ZCWPW2: variants seen among roughly 807,000 people sequenced by gnomAD.
The protein encoded by ZCWPW2 is zinc finger CW-type and PWWP domain containing 2, also known as zinc finger CW-type PWWP domain protein 2.
A neutral mutation model predicts 46.6 loss-of-function variants in ZCWPW2; 45 were observed. That is an observed-to-expected ratio of 0.96 (90% CI 0.76 to 1.24). ZCWPW2 has a LOEUF of 1.24. Ranked by LOEUF, ZCWPW2 falls within the 50% of genes most tolerant of loss-of-function variation. ZCWPW2 has a pLI of 0.00. For missense variants in ZCWPW2, 429 were observed against 403.9 expected (o/e 1.06, Z -0.53); for synonymous variants, 152 against 137.1 (o/e 1.11, Z -0.76).
At chr3:28,486,750 C>T (rs962070376) in intron 5 of ZCWPW2, among the ~76,000 whole-genome samples, 1 of 151,870 alleles carries the variant, frequency 6.6e-6, no homozygotes, top group African/African-American at 2.4e-5. Flanking sequence ...ATCTGTAGTC[C>T]CAGCTATGCA....
chr3:28,460,155 A>T (rs1488751216), intron 4 of ZCWPW2, among the ~76,000 whole-genome samples: 1 of 152,008 alleles, frequency 6.6e-6, no homozygotes, highest in East Asian at 1.9e-4. Flanking sequence ...CAAATTTTCT[A>T]ATTATTTTTC....
intron 4 of ZCWPW2, among the ~76,000 whole-genome samples, chr3:28,448,784 C>CA (rs576935771): frequency 1.5e-5 from 1 of 65,360 alleles, no homozygotes; most frequent in African/African-American, 6.0e-5. Context: ...GACTCTGTCT[C>CA]AAAAAAAAAA....
At chr3:28,453,829 TTATTTTTA>T (rs1275415517) in intron 4 of ZCWPW2, among the ~76,000 whole-genome samples, 170 of 145,654 alleles carry the variant, frequency 1.2e-3, no homozygotes, top group African/African-American at 4.2e-3. Flanking sequence ...ATTTATTTAT[TTATTTTTA>T]TTTTTTTTAT....
intron 4 of ZCWPW2, among the ~76,000 whole-genome samples, chr3:28,437,633 G>A (rs924946569): frequency 3.0e-4 from 45 of 152,098 alleles, no homozygotes; most frequent in African/African-American, 1.1e-3. Flanking sequence ...ACAGATGATA[G>A]TGTTTTCCCC....
chr3:28,405,842 A>C (rs1247272572), intron 2 of ZCWPW2, among the ~76,000 whole-genome samples: 1 of 152,186 alleles, frequency 6.6e-6, no homozygotes, highest in African/African-American at 2.4e-5. Context: ...AGAATGTCTC[A>C]ATCTTCTTAA....
At chr3:28,442,712 A>G (rs1333131770) in intron 4 of ZCWPW2, among the ~76,000 whole-genome samples, 1 of 152,156 alleles carries the variant, frequency 6.6e-6, no homozygotes, top group Non-Finnish European at 1.5e-5. Context: ...CACATCTGGT[A>G]TAGCAGCTGC....
At chr3:28,475,459 G>A (rs932277515) in intron 4 of ZCWPW2, among the ~76,000 whole-genome samples, 6 of 152,016 alleles carry the variant, frequency 3.9e-5, no homozygotes. Context: ...CCTCATCAAA[G>A]CAATGAGAAT....
At chr3:28,520,959 A>T (rs762749052) in intron 8 of ZCWPW2, 33 bp from the exon 9 acceptor site, 3 of 1,609,644 alleles carry the variant, frequency 1.9e-6, no homozygotes, top group African/African-American at 1.3e-5. Context: ...AGTGAGATGT[A>T]GCATTTTTAC....
intron 4 of ZCWPW2, among the ~76,000 whole-genome samples, chr3:28,436,499 G>T (rs1697505483): frequency 6.6e-6 from 1 of 151,738 alleles, no homozygotes; most frequent in Non-Finnish European, 1.5e-5. Flanking sequence ...ATAAGTACAT[G>T]TACGTATTTA....
intron 2 of ZCWPW2, among the ~76,000 whole-genome samples, chr3:28,409,694 T>C (rs1371891235): frequency 6.6e-6 from 1 of 152,060 alleles, no homozygotes; most frequent in Non-Finnish European, 1.5e-5. Context: ...GTATTAAGAG[T>C]AGTATTAAGG....
In ZCWPW2 at chr3:28,524,771, T is replaced by C. The variant is rs1287714956; in HGVS notation, c.*83T>C. 8 of 1,167,260 alleles carry C rather than the reference T, an allele frequency of 6.9e-6. No homozygotes were observed. Among genetic ancestry groups the C allele is most frequent in the East Asian group, 5.9e-5 (2 of 34,000 alleles). The allele number at this position is 1,167,260 out of a possible 1,614,324, so 72.3% of individuals were successfully genotyped here. On this transcript the variant is annotated 3_prime_UTR_variant, in exon 10 of 10. Transcript: ENST00000383768. ...AAGTTAAAACTTTAAAAATGTTTAG[T>C]GAAATAGGTATAAATTATACCAAAG...
rs757022295 is a variant in ZCWPW2, at chr3:28,489,666, G to GCA, written c.611-2460_611-2459insAC. ...TTCTCTCTCTTTCACACACACACGCGCGCACACACACACACACACACACAC... is the reference window on the plus strand; with the variant it reads ...TTCTCTCTCTTTCACACACACACGCGCACGCACACACACACACACACACACAC... On this transcript the variant is annotated intron_variant, in intron 5 of 9. Transcript: ENST00000383768. Among the ~76,000 whole-genome samples the GCA allele has an allele frequency of 9.1e-4, 134 of 147,546 alleles. 2 individuals carry two copies. Among genetic ancestry groups the GCA allele is most frequent in the African/African-American group, 3.1e-3 (123 of 39,462 alleles).
intron 1 of ZCWPW2, among the ~76,000 whole-genome samples, chr3:28,351,244 T>C (rs1704538033): frequency 6.7e-6 from 1 of 149,102 alleles, no homozygotes; most frequent in Non-Finnish European, 1.5e-5. Flanking sequence ...TCGCTCATTA[T>C]ATAAAAAATA....
chr3:28,471,185 A>G (rs1275746928), intron 4 of ZCWPW2, among the ~76,000 whole-genome samples: 2 of 152,206 alleles, frequency 1.3e-5, no homozygotes, highest in Admixed American at 1.3e-4. Context: ...TTTAAAGAAT[A>G]GCTAATACCA....
At chr3:28,353,009 C>G (rs1429579835) in intron 1 of ZCWPW2, among the ~76,000 whole-genome samples, 1 of 152,104 alleles carries the variant, frequency 6.6e-6, no homozygotes. Flanking sequence ...CATGGCAAAA[C>G]TCCATCTCTA....
intron 4 of ZCWPW2, among the ~76,000 whole-genome samples, chr3:28,452,527 C>T (rs1478119010): frequency 6.6e-6 from 1 of 152,154 alleles, no homozygotes; most frequent in African/African-American, 2.4e-5. Flanking sequence ...AACTCCTGAC[C>T]TTGTGATCCA....
At chr3:28,451,392 A>G (rs923867351) in intron 4 of ZCWPW2, among the ~76,000 whole-genome samples, 4 of 152,202 alleles carry the variant, frequency 2.6e-5, no homozygotes, top group Non-Finnish European at 5.9e-5. Context: ...ATCAAGTCCA[A>G]ATTCTTTTCT....
chr3:28,386,532 G>A (rs1325298574), intron 1 of ZCWPW2, among the ~76,000 whole-genome samples: 1 of 151,932 alleles, frequency 6.6e-6, no homozygotes, highest in Non-Finnish European at 1.5e-5. Flanking sequence ...AAAGTTCAAG[G>A]TGCATCCTAT....
chr3:28,447,924 G>C, intron 4 of ZCWPW2: 1 of 788,990 alleles, frequency 1.3e-6, no homozygotes, highest in Admixed American at 1.8e-5. Flanking sequence ...TTATGAGATT[G>C]TCCAAAACAA....
Sources: gnomAD v4.1 joint callset for allele counts (sites outside exome capture counted in the v4.1 genomes callset) on GRCh38, gnomAD v4.1.1 for gene constraint, MANE v1.5 for transcripts, NCBI Gene and HGNC (gene_info 2026-07-23, HGNC 2026-07-21) for gene names.